TAS2R1: variants seen among roughly 807,000 people sequenced by gnomAD.
TAS2R1 encodes the protein taste receptor type 2 member 1.
For missense variants in TAS2R1, 370 were observed against 353.4 expected, an observed-to-expected ratio of 1.05 and a Z score of -0.38; for synonymous variants, 141 against 134.2, an observed-to-expected ratio of 1.05 and a Z score of -0.35.
intron 1 of TAS2R1, among the ~76,000 whole-genome samples, chr5:9,706,930 G>A (rs924245129): frequency 6.6e-6 from 1 of 152,024 alleles, no homozygotes; most frequent in South Asian, 2.1e-4. Flanking sequence ...TAAATGATGC[G>A]GTTTTTTTAA....
intron 1 of TAS2R1, among the ~76,000 whole-genome samples, chr5:9,685,729 C>T (rs993836961): frequency 1.3e-5 from 2 of 152,108 alleles, no homozygotes; most frequent in African/African-American, 4.8e-5. Flanking sequence ...TATATAGTGT[C>T]CAGGGAAGAC....
the TAS2R1 span, among the ~76,000 whole-genome samples, chr5:9,869,109 C>T: frequency 7.2e-5 from 11 of 152,286 alleles, no homozygotes; most frequent in East Asian, 2.1e-3. Context: ...TTCTTCTGAG[C>T]CCTCCAAACT....
the TAS2R1 span, among the ~76,000 whole-genome samples, chr5:9,803,187 T>C: frequency 6.6e-6 from 1 of 152,192 alleles, no homozygotes; most frequent in Non-Finnish European, 1.5e-5. Context: ...ATTCAATTCA[T>C]TTAACACAAA....
the TAS2R1 span, among the ~76,000 whole-genome samples, chr5:9,784,336 G>A: frequency 6.6e-6 from 1 of 152,106 alleles, no homozygotes; most frequent in African/African-American, 2.4e-5. Flanking sequence ...ATACATCCAG[G>A]ACTCACCACA....
chr5:9,830,111 G>C, the TAS2R1 span, among the ~76,000 whole-genome samples: 14 of 152,160 alleles, frequency 9.2e-5, no homozygotes, highest in Non-Finnish European at 1.9e-4. Flanking sequence ...ATGAAGGGAA[G>C]TAGCTCTTAA....
chr5:9,632,255 A>C (rs372242417), upstream of TAS2R1, among the ~76,000 whole-genome samples: 14 of 152,378 alleles, frequency 9.2e-5, no homozygotes, highest in African/African-American at 2.9e-4. Context: ...GTCTTAAAAA[A>C]AGATATACAT....
At chr5:9,683,803 A>G (rs1455015321) in intron 1 of TAS2R1, among the ~76,000 whole-genome samples, 1 of 152,136 alleles carries the variant, frequency 6.6e-6, no homozygotes, top group Non-Finnish European at 1.5e-5. Context: ...CCCCAACCCC[A>G]ACCCAAAACA....
At chr5:9,878,496 C>T in the TAS2R1 span, among the ~76,000 whole-genome samples, 1 of 152,156 alleles carries the variant, frequency 6.6e-6, no homozygotes, top group Non-Finnish European at 1.5e-5. Flanking sequence ...TGGAAGTGAA[C>T]CACGAACGCT....
chr5:9,851,343 A>G, the TAS2R1 span, among the ~76,000 whole-genome samples: 3,362 of 152,224 alleles, frequency 0.022, 109 homozygotes, highest in African/African-American at 0.073. Flanking sequence ...AGCAGCCAAC[A>G]TGGCCTTTGG....
At chr5:9,690,260 C>T (rs1051200915) in intron 1 of TAS2R1, among the ~76,000 whole-genome samples, 2 of 152,150 alleles carry the variant, frequency 1.3e-5, no homozygotes, top group Non-Finnish European at 2.9e-5. Context: ...TATCAAATGA[C>T]TTTCCTGAAG....
chr5:9,813,819 G>T, the TAS2R1 span, among the ~76,000 whole-genome samples: 1 of 152,116 alleles, frequency 6.6e-6, no homozygotes, highest in African/African-American at 2.4e-5. Flanking sequence ...TGCCACATCT[G>T]TCTCTGCCTC....
upstream of TAS2R1, among the ~76,000 whole-genome samples, chr5:9,713,398 C>T (rs1734737809): frequency 6.6e-6 from 1 of 152,090 alleles, no homozygotes; most frequent in African/African-American, 2.4e-5. Flanking sequence ...TCTGGCAAAG[C>T]TTTTTCCTAA....
chr5:9,728,915 G>C, the TAS2R1 span, among the ~76,000 whole-genome samples: 1 of 152,220 alleles, frequency 6.6e-6, no homozygotes, highest in Admixed American at 6.5e-5. Context: ...TCTTGTTCAG[G>C]ACTGAAGAGG....
intron 1 of TAS2R1, among the ~76,000 whole-genome samples, chr5:9,691,138 C>G (rs1741242752): frequency 6.6e-6 from 1 of 152,194 alleles, no homozygotes; most frequent in South Asian, 2.1e-4. Context: ...TGAAATCATC[C>G]TGGATTATGC....
the TAS2R1 span, among the ~76,000 whole-genome samples, chr5:9,821,150 C>T: frequency 6.6e-6 from 1 of 152,168 alleles, no homozygotes; most frequent in East Asian, 1.9e-4. Context: ...AAAAAAACAA[C>T]ACAGGGAGGG....
intron 1 of TAS2R1, among the ~76,000 whole-genome samples, chr5:9,708,523 G>A (rs1741669005): frequency 6.6e-6 from 1 of 152,084 alleles, no homozygotes; most frequent in Admixed American, 6.5e-5. Flanking sequence ...TGCATACATT[G>A]ATTAAAAGCT....
chr5:9,791,798 A>C, the TAS2R1 span, among the ~76,000 whole-genome samples: 1 of 152,322 alleles, frequency 6.6e-6, no homozygotes, highest in East Asian at 1.9e-4. Context: ...ATACTTCCCC[A>C]CATGACTCTG....
the TAS2R1 span, among the ~76,000 whole-genome samples, chr5:9,761,505 T>C: frequency 6.6e-6 from 1 of 152,184 alleles, no homozygotes; most frequent in African/African-American, 2.4e-5. Context: ...AAATCTTTAC[T>C]CCACTTGAAA....
At chr5:9,863,184 A>G in the TAS2R1 span, 1 of 150,048 alleles carries the variant, frequency 6.7e-6, no homozygotes, top group Non-Finnish European at 1.5e-5. Flanking sequence ...CACCATCACC[A>G]CCTATCAAGA....
Sources: allele counts gnomAD v4.1 joint callset (sites outside exome capture counted in the v4.1 genomes callset), GRCh38; gene constraint gnomAD v4.1.1; transcripts MANE v1.5; gene names NCBI Gene and HGNC (gene_info 2026-07-23, HGNC 2026-07-21).